GLDC: variants seen among roughly 807,000 people sequenced by gnomAD.
The protein encoded by GLDC is glycine decarboxylase, also known as glycine dehydrogenase (decarboxylating), mitochondrial.
A neutral mutation model predicts 121.3 loss-of-function variants in GLDC; 104 were observed. The observed-to-expected ratio is 0.86, with a 90% CI of 0.73 to 1.01. GLDC has a LOEUF of 1.01. Ranked by LOEUF, GLDC falls within the 50% of genes least tolerant of loss-of-function variation. GLDC has a pLI of 0.00. For synonymous variants in GLDC, 546 were observed against 480.6 expected (o/e 1.14, Z -1.78); for missense variants, 1,429 against 1,306.6 (o/e 1.09, Z -1.44).
intron 2 of GLDC, among the ~76,000 whole-genome samples, chr9:6,636,258 C>G (rs1008097136): frequency 1.3e-5 from 2 of 150,870 alleles, no homozygotes; most frequent in South Asian, 4.2e-4. Context: ...GATCTGAGAT[C>G]GTGCCACTGT....
chr9:6,544,107 G>T (rs574918407), intron 21 of GLDC, among the ~76,000 whole-genome samples: 1 of 152,150 alleles, frequency 6.6e-6, no homozygotes, highest in Non-Finnish European at 1.5e-5. Flanking sequence ...GAACTCACTG[G>T]GTAACTACTC....
chr9:6,539,570 C>T (rs911853010), intron 22 of GLDC, among the ~76,000 whole-genome samples: 2 of 152,268 alleles, frequency 1.3e-5, no homozygotes, highest in Non-Finnish European at 2.9e-5. Flanking sequence ...TGAATGAACA[C>T]CCACTAATGC....
chr9:6,585,926 A>G (rs1257644555), intron 15 of GLDC, among the ~76,000 whole-genome samples: 2 of 141,360 alleles, frequency 1.4e-5, no homozygotes, highest in East Asian at 1.9e-4. Flanking sequence ...ATCTATCATC[A>G]TGAAGGCAGA....
At chr9:6,611,515 C>A (rs1276032719) in intron 3 of GLDC, among the ~76,000 whole-genome samples, 1 of 149,852 alleles carries the variant, frequency 6.7e-6, no homozygotes, top group Non-Finnish European at 1.5e-5. Context: ...GAGATCACGC[C>A]ACTGTACTCC....
intron 11 of GLDC, among the ~76,000 whole-genome samples, chr9:6,591,633 A>T (rs901615956): frequency 6.6e-6 from 1 of 152,056 alleles, no homozygotes; most frequent in African/African-American, 2.4e-5. Context: ...TGCCCAGGCT[A>T]GAGTGCAATG....
At chr9:6,605,412 C>T (rs556541883) in intron 5 of GLDC, 134 bp from the exon 6 acceptor site, 14 of 812,712 alleles carry the variant, frequency 1.7e-5, no homozygotes, top group Non-Finnish European at 2.3e-5. Flanking sequence ...GCCCACATCC[C>T]GTCCCACAGG....
chr9:6,644,484 A>C (rs916009893), intron 2 of GLDC, 130 bp downstream of exon 2: 1 of 715,784 alleles, frequency 1.4e-6, no homozygotes, highest in Non-Finnish European at 2.5e-6. Flanking sequence ...GGTACCCGCC[A>C]CTGTTTTATT....
Position 6,604,802 on chromosome 9 carries a change from GA to G in GLDC, c.862-19del. ...GCCAGGCTCTAGAAAGGAAGTGAGA[GA>G]AAAGGAACAAGGTTGCTACCTTTCC... On this transcript the variant is annotated intron_variant, in intron 6 of 24. Coordinates refer to ENST00000321612, the MANE Select transcript of GLDC (RefSeq NM_000170.3). The G allele has an allele frequency of 6.2e-7, 1 of 1,605,432 alleles. No homozygotes were observed. Among genetic ancestry groups the G allele is most frequent in the Non-Finnish European group, 8.5e-7 (1 of 1,172,080 alleles).
chr9:6,603,016 T>G (rs545692981), intron 7 of GLDC, among the ~76,000 whole-genome samples: 163 of 151,934 alleles, frequency 1.1e-3, no homozygotes, highest in African/African-American at 3.7e-3. Flanking sequence ...TCACCTGAGG[T>G]CCAGAGTTTG....
chr9:6,634,960 C>T (rs547847107), intron 2 of GLDC, among the ~76,000 whole-genome samples: 1 of 152,290 alleles, frequency 6.6e-6, no homozygotes, highest in Admixed American at 6.5e-5. Flanking sequence ...TCCCTTTTGG[C>T]TCTGAGCCCT....
chr9:6,574,964 C>A (rs1336830127), intron 15 of GLDC, among the ~76,000 whole-genome samples: 1 of 152,128 alleles, frequency 6.6e-6, no homozygotes, highest in Non-Finnish European at 1.5e-5. Context: ...AAACCTTTCT[C>A]TTTGGTGTTC....
intron 9 of GLDC, 189 bp from the exon 10 acceptor site, chr9:6,593,179 A>G: frequency 1.6e-6 from 1 of 611,674 alleles, no homozygotes; most frequent in Admixed American, 2.8e-5. Context: ...AAATACATAT[A>G]AAAGAGTAAG....
At chr9:6,538,621 C>T (rs113704016) in intron 22 of GLDC, among the ~76,000 whole-genome samples, 1,536 of 152,272 alleles carry the variant, frequency 0.01, 24 homozygotes, top group African/African-American at 0.034. Context: ...AGTGTGGAAA[C>T]GGTTCTATCA....
chr9:6,578,024 C>T (rs1046145507), intron 15 of GLDC, among the ~76,000 whole-genome samples: 1 of 152,032 alleles, frequency 6.6e-6, no homozygotes, highest in South Asian at 2.1e-4. Flanking sequence ...AAGCAATCCT[C>T]TGGCCTCGGC....
chr9:6,588,484 C>G (rs1309557001), intron 13 of GLDC, 42 bp from the exon 14 acceptor site: 1 of 1,548,866 alleles, frequency 6.5e-7, no homozygotes, highest in Admixed American at 1.7e-5. Flanking sequence ...TAGTGATTTT[C>G]TATAGTCCAT....
At chr9:6,597,674 C>T (rs943091388) in intron 8 of GLDC, among the ~76,000 whole-genome samples, 3 of 152,148 alleles carry the variant, frequency 2.0e-5, no homozygotes, top group Non-Finnish European at 4.4e-5. Context: ...TGGTGGCTAA[C>T]GCCTGTAATC....
At chr9:6,589,412 CTTAT>C (rs200773458) in intron 11 of GLDC, 120 bp from the exon 12 acceptor site, 105 of 454,306 alleles carry the variant, frequency 2.3e-4, no homozygotes, top group African/African-American at 1.4e-3. Context: ...TATAATTTTA[CTTAT>C]TTATTTATTT....
chr9:6,615,855 C>G (rs1187402890), intron 3 of GLDC, among the ~76,000 whole-genome samples: 1 of 152,186 alleles, frequency 6.6e-6, no homozygotes, highest in Non-Finnish European at 1.5e-5. Context: ...CTCAAGTGAT[C>G]TGCCCACCTC....
intron 20 of GLDC, among the ~76,000 whole-genome samples, chr9:6,552,178 C>A (rs1019865638): frequency 6.6e-6 from 1 of 152,162 alleles, no homozygotes; most frequent in Non-Finnish European, 1.5e-5. Flanking sequence ...TAAGTAATAA[C>A]AGCCTGAAAT....
Sources: gnomAD v4.1 joint callset for allele counts (sites outside exome capture counted in the v4.1 genomes callset) on GRCh38, gnomAD v4.1.1 for gene constraint, MANE v1.5 for transcripts, NCBI Gene and HGNC (gene_info 2026-07-23, HGNC 2026-07-21) for gene names.